Variants in SORCS3 observed in about 807,000 individuals in gnomAD.
SORCS3 encodes the protein sortilin related VPS10 domain containing receptor 3.
SORCS3 carries 57 observed loss-of-function variants against 146.3 expected under a neutral mutation model. That is an observed-to-expected ratio of 0.39 (90% CI 0.31 to 0.49). The LOEUF is 0.49. Ranked by LOEUF, SORCS3 falls within the 20% of genes least tolerant of loss-of-function variation. SORCS3 has a pLI of 0.92. For missense variants in SORCS3, 1,341 were observed against 1,575.5 expected (o/e 0.85, Z 2.52); for synonymous variants, 653 against 618.5 (o/e 1.06, Z -0.83).
chr10:105,091,185 A>T (rs112984550), intron 6 of SORCS3, among the ~76,000 whole-genome samples: 2 of 34,574 alleles, frequency 5.8e-5, no homozygotes, highest in African/African-American at 1.1e-4. Flanking sequence ...TCCTTCCTTC[A>T]TCCCTCCTTC....
intron 1 of SORCS3, among the ~76,000 whole-genome samples, chr10:104,837,334 T>C (rs1373387925): frequency 6.6e-6 from 1 of 152,208 alleles, no homozygotes; most frequent in Non-Finnish European, 1.5e-5. Context: ...TTAAAATAGT[T>C]ATATGTACCT....
intron 20 of SORCS3, among the ~76,000 whole-genome samples, chr10:105,244,558 A>G (rs776878197): frequency 1.3e-5 from 2 of 152,078 alleles, no homozygotes; most frequent in Non-Finnish European, 2.9e-5. Context: ...TCTGCATTCT[A>G]TTTCTGTCTT....
At chr10:105,123,599 A>G (rs997444097) in intron 7 of SORCS3, among the ~76,000 whole-genome samples, 2 of 152,216 alleles carry the variant, frequency 1.3e-5, no homozygotes, top group African/African-American at 4.8e-5. Context: ...ATAAATATGT[A>G]AATAAGAAAA....
chr10:104,951,041 A>G (rs1380640427), intron 3 of SORCS3, among the ~76,000 whole-genome samples: 2 of 152,190 alleles, frequency 1.3e-5, no homozygotes, highest in Non-Finnish European at 2.9e-5. Context: ...CCTTTTAGAC[A>G]TCTATAGGAG....
chr10:105,195,605 A>G (rs541967198), intron 14 of SORCS3, among the ~76,000 whole-genome samples: 3 of 152,350 alleles, frequency 2.0e-5, no homozygotes, highest in East Asian at 3.9e-4. Context: ...CAGAAGAGCA[A>G]TGAATTAATG....
intron 21 of SORCS3, among the ~76,000 whole-genome samples, chr10:105,246,385 A>G (rs2056866385): frequency 6.6e-6 from 1 of 151,640 alleles, no homozygotes; most frequent in Non-Finnish European, 1.5e-5. Flanking sequence ...TTTTGGTTTT[A>G]CATGTCTTCA....
intron 1 of SORCS3, among the ~76,000 whole-genome samples, chr10:104,776,645 A>G (rs781137148): frequency 6.6e-6 from 1 of 152,014 alleles, no homozygotes; most frequent in South Asian, 2.1e-4. Flanking sequence ...TTGTCTATTT[A>G]TCTTTTCTTA....
chr10:104,770,692 G>A (rs1168272395), intron 1 of SORCS3, among the ~76,000 whole-genome samples: 1 of 151,756 alleles, frequency 6.6e-6, no homozygotes, highest in Non-Finnish European at 1.5e-5. Flanking sequence ...CATAGGCTGG[G>A]TGTGGTGGCA....
intron 13 of SORCS3, among the ~76,000 whole-genome samples, chr10:105,173,680 C>G (rs1190862986): frequency 6.6e-6 from 1 of 152,140 alleles, no homozygotes; most frequent in Non-Finnish European, 1.5e-5. Flanking sequence ...TATATTATTT[C>G]AACTGAAAAT....
intron 1 of SORCS3, among the ~76,000 whole-genome samples, chr10:104,643,709 G>GGTGTGTGTGTGTGTGTGTGTGTGT (rs3069967): frequency 1.4e-5 from 2 of 144,638 alleles, no homozygotes; most frequent in Admixed American, 1.4e-4. Flanking sequence ...TGATAATTAG[G>GGTGTGTGTGTGTGTGTGTGTGTGT]GTGTGTGTGT....
chr10:104,723,711 T>G (rs140338837), intron 1 of SORCS3, among the ~76,000 whole-genome samples: 114 of 152,376 alleles, frequency 7.5e-4, no homozygotes, highest in African/African-American at 2.7e-3. Context: ...TCTTGTTGAA[T>G]TGATCCCTTT....
At chr10:105,062,475 C>G (rs1374763040) in intron 5 of SORCS3, among the ~76,000 whole-genome samples, 2 of 152,114 alleles carry the variant, frequency 1.3e-5, no homozygotes, top group African/African-American at 2.4e-5. Flanking sequence ...TTTCTGGGTT[C>G]AAAGCCCATG....
chr10:104,890,504 A>T (rs1037988945), intron 2 of SORCS3, among the ~76,000 whole-genome samples: 1 of 151,844 alleles, frequency 6.6e-6, no homozygotes, highest in African/African-American at 2.4e-5. Flanking sequence ...TTTTCATCTC[A>T]TTCATTATAA....
At chr10:104,849,144 C>T (rs2018241018) in intron 2 of SORCS3, among the ~76,000 whole-genome samples, 1 of 152,096 alleles carries the variant, frequency 6.6e-6, no homozygotes, top group Non-Finnish European at 1.5e-5. Flanking sequence ...GGCCTGGTGG[C>T]TCATGCCTGA....
intron 1 of SORCS3, among the ~76,000 whole-genome samples, chr10:104,756,266 G>A (rs1267527256): frequency 6.6e-6 from 1 of 152,098 alleles, no homozygotes; most frequent in Non-Finnish European, 1.5e-5. Flanking sequence ...ATACTATGGG[G>A]GCATATAAAA....
chr10:105,250,423 T>C (rs2056891996), intron 22 of SORCS3, among the ~76,000 whole-genome samples: 2 of 152,140 alleles, frequency 1.3e-5, no homozygotes, highest in Admixed American at 1.3e-4. Context: ...TAATAATCAG[T>C]CCTGTCAGTT....
chr10:105,225,661 C>T (rs555672175), intron 20 of SORCS3, among the ~76,000 whole-genome samples: 2 of 152,112 alleles, frequency 1.3e-5, no homozygotes, highest in South Asian at 4.1e-4. Flanking sequence ...ATCTATAGAT[C>T]AAATTGGTAA....
intron 3 of SORCS3, among the ~76,000 whole-genome samples, chr10:104,966,956 G>T (rs2054829295): frequency 7.2e-6 from 1 of 138,994 alleles, no homozygotes; most frequent in African/African-American, 2.6e-5. Context: ...AGCATTACAA[G>T]TTTTTTTTTT....
chr10:105,038,383 CTG>C (rs1231589011), intron 4 of SORCS3, among the ~76,000 whole-genome samples: 7 of 152,156 alleles, frequency 4.6e-5, no homozygotes, highest in Non-Finnish European at 1.0e-4. Context: ...TCAACACTAA[CTG>C]TGATAATTTC....
Sources: allele counts gnomAD v4.1 joint callset (sites outside exome capture counted in the v4.1 genomes callset), GRCh38; gene constraint gnomAD v4.1.1; transcripts MANE v1.5; gene names NCBI Gene and HGNC (gene_info 2026-07-23, HGNC 2026-07-21).